Variants in UCK2 observed in about 807,000 individuals in gnomAD.
UCK2 encodes the protein cytidine monophosphokinase 2.
Under a neutral mutation model 30.8 loss-of-function variants are expected in UCK2, and 6 were observed. That is an observed-to-expected ratio of 0.19 (90% CI 0.11 to 0.38). The LOEUF is 0.38. Ranked by LOEUF, UCK2 falls within the 10% of genes least tolerant of loss-of-function variation. The pLI, the probability that UCK2 is intolerant of heterozygous loss-of-function variation, is 1.00. For missense variants in UCK2, 210 were observed against 339.8 expected (o/e 0.62, Z 3.00); for synonymous variants, 125 against 133.6 (o/e 0.94, Z 0.45).
At chr1:165,898,432 G>A (rs1647344058) in intron 4 of UCK2, among the ~76,000 whole-genome samples, 1 of 152,236 alleles carries the variant, frequency 6.6e-6, no homozygotes, top group Non-Finnish European at 1.5e-5. Context: ...TGCTTCTGCT[G>A]AAGGGGTCGG....
intron 1 of UCK2, among the ~76,000 whole-genome samples, chr1:165,842,883 A>C (rs6702462): frequency 0.44 from 66,896 of 152,014 alleles, 14,759 homozygotes; most frequent in Middle Eastern, 0.54. Context: ...GGTCCTCCCC[A>C]ACCCTGAGTT....
chr1:165,866,818 C>T (rs954897741), intron 1 of UCK2, among the ~76,000 whole-genome samples: 17 of 152,186 alleles, frequency 1.1e-4, no homozygotes, highest in African/African-American at 3.9e-4. Flanking sequence ...CAAGACTCAT[C>T]GTACTGTATT....
chr1:165,893,328 A>G (rs1655816099), intron 3 of UCK2, among the ~76,000 whole-genome samples: 2 of 152,182 alleles, frequency 1.3e-5, no homozygotes, highest in Non-Finnish European at 2.9e-5. Flanking sequence ...GATTTATCTC[A>G]TACCTTATAT....
At chr1:165,875,151 T>C (rs571159617) in intron 1 of UCK2, among the ~76,000 whole-genome samples, 64 of 152,320 alleles carry the variant, frequency 4.2e-4, no homozygotes, top group African/African-American at 1.5e-3. Context: ...TAGTTTGTGC[T>C]AGCCACTATC....
intron 4 of UCK2, chr1:165,902,644 G>T (rs905401984): frequency 1.6e-5 from 2 of 127,588 alleles, no homozygotes; most frequent in African/African-American, 5.7e-5. Flanking sequence ...CATGAGGTAG[G>T]TGGAAATGGT....
At chr1:165,840,156 T>C (rs1334720830) in intron 1 of UCK2, among the ~76,000 whole-genome samples, 2 of 152,188 alleles carry the variant, frequency 1.3e-5, no homozygotes, top group Non-Finnish European at 2.9e-5. Flanking sequence ...CGACCTCAAG[T>C]TATCCCCCGG....
intron 1 of UCK2, among the ~76,000 whole-genome samples, chr1:165,839,239 T>A (rs1654268684): frequency 6.6e-6 from 1 of 152,144 alleles, no homozygotes; most frequent in African/African-American, 2.4e-5. Flanking sequence ...GTAGAGAAAG[T>A]AAACATTTGA....
intron 1 of UCK2, among the ~76,000 whole-genome samples, chr1:165,838,940 C>T (rs1478584185): frequency 6.6e-6 from 1 of 151,926 alleles, no homozygotes; most frequent in African/African-American, 2.4e-5. Context: ...CTCAGCTACT[C>T]GGGAGGCTGA....
intron 1 of UCK2, chr1:165,885,205 T>C: frequency 2.6e-6 from 1 of 391,238 alleles, no homozygotes; most frequent in Non-Finnish European, 4.5e-6. Context: ...TCTAAAATAG[T>C]GAAAAGAATT....
chr1:165,834,107 G>A (rs1282733451), intron 1 of UCK2, among the ~76,000 whole-genome samples: 1 of 152,130 alleles, frequency 6.6e-6, no homozygotes, highest in Non-Finnish European at 1.5e-5. Flanking sequence ...TACTTGGTGA[G>A]TCTTGGATGA....
chr1:165,897,405 G>A (rs1647296379), intron 4 of UCK2, among the ~76,000 whole-genome samples: 1 of 152,144 alleles, frequency 6.6e-6, no homozygotes. Flanking sequence ...GGGAGAGGGA[G>A]CAGAGTTGAG....
In UCK2 at chr1:165,908,071, G is replaced by A. The variant is rs1014952349; in HGVS notation, c.*248G>A. On this transcript the variant is annotated 3_prime_UTR_variant, in exon 7 of 7. Coordinates refer to ENST00000367879, the MANE Select transcript of UCK2 (RefSeq NM_012474.5). ...GGTGATGCCTAATTATGAATCCAAC[G>A]TGTAACCAGTTATAAATACATATAT... 19 of 431,482 alleles carry A rather than the reference G, an allele frequency of 4.4e-5. No individual in the cohort carries two copies. Among genetic ancestry groups the A allele is most frequent in the African/African-American group, 2.0e-4 (10 of 50,460 alleles). The allele number at this position is 431,482 out of a possible 1,614,324, so 26.7% of individuals were successfully genotyped here. A position where few individuals can be genotyped will look rare whatever the true frequency, so the allele number is the denominator to read the frequency against.
intron 3 of UCK2, among the ~76,000 whole-genome samples, chr1:165,891,800 G>A (rs990112720): frequency 6.6e-6 from 1 of 152,128 alleles, no homozygotes; most frequent in African/African-American, 2.4e-5. Flanking sequence ...AAGCTTCTCA[G>A]TGGAATCAAA....
chr1:165,832,968 T>C (rs1654089686), intron 1 of UCK2, among the ~76,000 whole-genome samples: 1 of 151,938 alleles, frequency 6.6e-6, no homozygotes, highest in Non-Finnish European at 1.5e-5. Context: ...TTTAGGGAGG[T>C]TGGCCTGTGT....
intron 1 of UCK2, among the ~76,000 whole-genome samples, chr1:165,853,316 T>C (rs1302734216): frequency 6.6e-6 from 1 of 152,178 alleles, no homozygotes; most frequent in Non-Finnish European, 1.5e-5. Context: ...TATATTTCCC[T>C]ATTGCATTTC....
chr1:165,859,290 C>T (rs1654828532), intron 1 of UCK2, among the ~76,000 whole-genome samples: 1 of 152,016 alleles, frequency 6.6e-6, no homozygotes, highest in Non-Finnish European at 1.5e-5. Flanking sequence ...TAGAGGAGGA[C>T]CCCCTTCCTG....
At chr1:165,878,282 C>T (rs1044297299) in intron 1 of UCK2, among the ~76,000 whole-genome samples, 1 of 151,566 alleles carries the variant, frequency 6.6e-6, no homozygotes. Context: ...TAGCAATATG[C>T]ATTTAAGGTT....
At chr1:165,888,936 A>G (rs771699003) in intron 1 of UCK2, among the ~76,000 whole-genome samples, 4 of 152,218 alleles carry the variant, frequency 2.6e-5, no homozygotes, top group Non-Finnish European at 5.9e-5. Context: ...TATTGAATGC[A>G]CTTGTTTCAT....
intron 2 of UCK2, 170 bp from the exon 3 acceptor site, chr1:165,891,056 C>A: frequency 1.7e-6 from 1 of 603,052 alleles, no homozygotes; most frequent in Non-Finnish European, 3.0e-6. Context: ...TTTTGAGATA[C>A]AGGGAGCATC....
Sources: allele counts gnomAD v4.1 joint callset (sites outside exome capture counted in the v4.1 genomes callset), GRCh38; gene constraint gnomAD v4.1.1; transcripts MANE v1.5; gene names NCBI Gene and HGNC (gene_info 2026-07-23, HGNC 2026-07-21).